FRMD5: variants seen among roughly 807,000 people sequenced by gnomAD.
FRMD5 encodes FERM domain containing 5, also known as FERM domain-containing protein 5.
Under a neutral mutation model 69.0 loss-of-function variants are expected in FRMD5, and 20 were observed. The ratio of observed to expected loss-of-function variants is 0.29; its 90% CI spans 0.20 to 0.42. The LOEUF is 0.42. Ranked by LOEUF, FRMD5 falls within the 10% of genes least tolerant of loss-of-function variation. The pLI is 1.00. For synonymous variants in FRMD5, 271 were observed against 260.1 expected (o/e 1.04, Z -0.40); for missense variants, 595 against 708.6 (o/e 0.84, Z 1.82).
At chr15:44,145,430 T>C (rs2077341460) in intron 1 of FRMD5, among the ~76,000 whole-genome samples, 1 of 152,210 alleles carries the variant, frequency 6.6e-6, no homozygotes, top group Admixed American at 6.5e-5. Context: ...AGTGTTCTTG[T>C]ACCAGTGAAA....
intron 1 of FRMD5, among the ~76,000 whole-genome samples, chr15:44,120,368 G>A (rs2076929483): frequency 6.6e-6 from 1 of 152,138 alleles, no homozygotes; most frequent in Non-Finnish European, 1.5e-5. Context: ...ATGGAGAAGG[G>A]CCAGATTTAA....
chr15:44,075,417 G>C (rs1893716572), intron 1 of FRMD5, among the ~76,000 whole-genome samples: 2 of 152,004 alleles, frequency 1.3e-5, no homozygotes. Flanking sequence ...GAGTTAAGGA[G>C]ATGTAAGTTT....
At chr15:43,971,832 G>A (rs969934579) in intron 1 of FRMD5, among the ~76,000 whole-genome samples, 148 of 148,776 alleles carry the variant, frequency 9.9e-4, no homozygotes, top group African/African-American at 1.1e-3. Context: ...TCAGCCTCCC[G>A]AGTAGCTGGG....
At position 43,874,433 on chromosome 15, in the gene FRMD5, A is replaced by C; in HGVS notation, c.1165T>G (p.Ser389Ala). The C allele has an allele frequency of 6.2e-7, 1 of 1,614,150 alleles. No homozygotes were observed. Among genetic ancestry groups the C allele is most frequent in the South Asian group, 1.1e-5 (1 of 91,076 alleles). The change falls in exon 14 of 14, where the codon TCC becomes GCC. Residue 389 changes from serine (S) to alanine (A), a missense_variant. Transcript: ENST00000417257. The stretch of plus-strand genomic sequence containing the variant: ...TGGGAAGTGGAACGCACTGGTGTGG[A>C]ATGGGCACTGTCCCGTAAGGACTCT... Reference protein sequence around the residue: ...GLESLRDSAHSTPVRSTSHGD... With the variant: ...GLESLRDSAHATPVRSTSHGD...
chr15:44,097,629 A>C (rs976778171), intron 1 of FRMD5, among the ~76,000 whole-genome samples: 8 of 152,302 alleles, frequency 5.3e-5, no homozygotes, highest in Admixed American at 5.2e-4. Context: ...ATATATACAC[A>C]CACAGAACCG....
chr15:44,015,286 C>T (rs1427451374), intron 1 of FRMD5, among the ~76,000 whole-genome samples: 1 of 152,036 alleles, frequency 6.6e-6, no homozygotes, highest in Non-Finnish European at 1.5e-5. Context: ...CAGGCAAGCA[C>T]CACCATGCCT....
intron 1 of FRMD5, among the ~76,000 whole-genome samples, chr15:44,121,291 T>C: frequency 7.0e-6 from 1 of 143,482 alleles, no homozygotes; most frequent in Non-Finnish European, 1.5e-5. Flanking sequence ...GGAGGGGGAG[T>C]CAGCTTTCAG....
intron 1 of FRMD5, among the ~76,000 whole-genome samples, chr15:43,988,461 C>G (rs1296220847): frequency 1.3e-5 from 2 of 150,764 alleles, no homozygotes; most frequent in Non-Finnish European, 2.9e-5. Context: ...ATAGTGGAAA[C>G]ATAAGTGTTT....
At chr15:43,961,014 T>C (rs34029816) in intron 1 of FRMD5, among the ~76,000 whole-genome samples, 19,398 of 151,808 alleles carry the variant, frequency 0.13, 2,365 homozygotes, top group African/African-American at 0.32. Flanking sequence ...AGAGCAAACA[T>C]ATTCAAAAGC....
At chr15:44,073,769 C>T (rs1199210711) in intron 1 of FRMD5, among the ~76,000 whole-genome samples, 2 of 152,114 alleles carry the variant, frequency 1.3e-5, no homozygotes, top group Non-Finnish European at 2.9e-5. Context: ...CCTTCCCAGA[C>T]AAAAACAAGT....
At chr15:44,107,625 T>A (rs973081251) in intron 1 of FRMD5, among the ~76,000 whole-genome samples, 4 of 152,196 alleles carry the variant, frequency 2.6e-5, no homozygotes, top group Non-Finnish European at 5.9e-5. Context: ...TGAAGCTGCA[T>A]GATTGGAATT....
intron 1 of FRMD5, among the ~76,000 whole-genome samples, chr15:44,041,950 T>C (rs928334084): frequency 2.0e-5 from 3 of 151,682 alleles, no homozygotes; most frequent in Non-Finnish European, 2.9e-5. Context: ...CTGAGGGAGA[T>C]AGAGACATGA....
At chr15:44,112,485 T>A (rs1245434567) in intron 1 of FRMD5, among the ~76,000 whole-genome samples, 2 of 151,526 alleles carry the variant, frequency 1.3e-5, no homozygotes, top group Non-Finnish European at 2.9e-5. Context: ...TTTTTTTTTT[T>A]AGATGGAGTC....
At chr15:44,011,591 T>C (rs557880037) in intron 1 of FRMD5, among the ~76,000 whole-genome samples, 1 of 152,300 alleles carries the variant, frequency 6.6e-6, no homozygotes, top group African/African-American at 2.4e-5. Flanking sequence ...GCTGAAGCTA[T>C]AGATGTGAGA....
chr15:43,915,386 A>G (rs1454903840), intron 4 of FRMD5, among the ~76,000 whole-genome samples: 1 of 152,324 alleles, frequency 6.6e-6, no homozygotes, highest in East Asian at 1.9e-4. Context: ...GCTAGGCTCA[A>G]GCGATGTTCA....
intron 12 of FRMD5, among the ~76,000 whole-genome samples, chr15:43,884,123 G>T (rs1454660845): frequency 6.6e-6 from 1 of 152,096 alleles, no homozygotes; most frequent in Non-Finnish European, 1.5e-5. Context: ...CAGTACTCCT[G>T]AAAATATGCC....
intron 1 of FRMD5, chr15:44,064,421 T>C (rs1893223490): frequency 6.6e-6 from 1 of 152,616 alleles, no homozygotes; most frequent in Admixed American, 6.6e-5. Context: ...AGAAACCCCG[T>C]CCCTACTAAA....
In FRMD5 at chr15:43,924,183, T is replaced by G. The variant is rs774730038; in HGVS notation, c.207+22A>C. On this transcript the variant is annotated intron_variant, in intron 2 of 13. Transcript: ENST00000417257. ...TTATTGACTAGCCCTGTCCTCCTTT[T>G]GTGCTTTGAATATTGACTTACCCGC... 6 of 1,550,926 alleles carry G rather than the reference T, an allele frequency of 3.9e-6. No individual in the cohort carries two copies. The African/African-American group carries it at 6.8e-5, about 18-fold the overall frequency.
intron 1 of FRMD5, among the ~76,000 whole-genome samples, chr15:44,068,583 C>A (rs986426741): frequency 1.3e-5 from 2 of 152,040 alleles, no homozygotes; most frequent in Admixed American, 1.3e-4. Flanking sequence ...TTTCCAGGGG[C>A]TGAGGGAATG....
Sources: gnomAD v4.1 joint callset for allele counts (sites outside exome capture counted in the v4.1 genomes callset) on GRCh38, gnomAD v4.1.1 for gene constraint, MANE v1.5 for transcripts, NCBI Gene and HGNC (gene_info 2026-07-23, HGNC 2026-07-21) for gene names.